COA8: variants seen among roughly 807,000 people sequenced by gnomAD.
COA8 encodes the protein cytochrome c oxidase assembly factor 8.
Under a neutral mutation model 22.0 loss-of-function variants are expected in COA8, and 20 were observed. The ratio of observed to expected loss-of-function variants is 0.91; its 90% CI spans 0.64 to 1.32. COA8 has a LOEUF of 1.32. COA8 is among the 40% of genes most tolerant of loss of function. COA8 has a pLI of 0.00. For missense variants in COA8, 266 were observed against 230.0 expected, an observed-to-expected ratio of 1.16 and a Z score of -1.01; for synonymous variants, 105 against 79.9, an observed-to-expected ratio of 1.31 and a Z score of -1.68.
intron 3 of COA8, chr14:103,574,429 C>T (rs776168945): frequency 6.4e-6 from 4 of 625,020 alleles, no homozygotes; most frequent in Admixed American, 2.1e-5. Flanking sequence ...CTTTGACTTT[C>T]GTACTGAGGT....
At position 103,571,694 on chromosome 14, in the gene COA8, T is replaced by C. The variant is rs370356589; in HGVS notation, c.195T>C (p.Leu65=). 5 of 1,614,216 alleles carry C rather than the reference T, an allele frequency of 3.1e-6. No homozygotes were observed. The African/African-American group carries it at 6.7e-5, about 22-fold the overall frequency. Residue 65 remains leucine, a synonymous_variant, in exon 2 of 5, where the codon CTT becomes CTC. Transcript: ENST00000409074. The stretch of plus-strand genomic sequence containing the variant: ...GACCCCCAGATAAATATTCAAACCT[T>C]CGACCTGTTCACTTTTACATACCTG... ...WIGPPDKYSN[L]RPVHFYIPEN... is the part of the protein sequence containing the mutation.
At chr14:103,567,419 G>A (rs1447599682) in intron 1 of COA8, 3 of 151,530 alleles carry the variant, frequency 2.0e-5, no homozygotes, top group Non-Finnish European at 4.4e-5. Flanking sequence ...TTGCACAGCG[G>A]CAGTATTGTA....
intron 4 of COA8, among the ~76,000 whole-genome samples, chr14:103,589,615 A>G (rs2076335240): frequency 6.6e-6 from 1 of 151,856 alleles, no homozygotes; most frequent in Non-Finnish European, 1.5e-5. Context: ...AAACAAAACA[A>G]AAAAAACTCC....
chr14:103,571,695 C>T lies in COA8; in HGVS notation c.196C>T (p.Arg66Ter), dbSNP rs587777784. The stretch of plus-strand genomic sequence containing the variant: ...ACCCCCAGATAAATATTCAAACCTT[C>T]GACCTGTTCACTTTTACATACCTGA... Reference protein sequence around the residue: ...IGPPDKYSNLRPVHFYIPENE... With the variant: ...IGPPDKYSNL Residue 66 changes from arginine to a stop codon, truncating the protein, a stop_gained, in exon 2 of 5, where the codon CGA becomes TGA. Coordinates refer to ENST00000409074, the MANE Select transcript of COA8 (RefSeq NM_001370595.2). LOFTEE classifies it high-confidence loss of function. 41 of 1,614,026 alleles carry T rather than the reference C, an allele frequency of 2.5e-5. No homozygotes were observed. The highest frequency in any genetic ancestry group is 3.3e-5 in the Non-Finnish European group (39 of 1,180,016).
At chr14:103,564,829 C>T (rs142891104) in intron 1 of COA8, among the ~76,000 whole-genome samples, 1 of 152,232 alleles carries the variant, frequency 6.6e-6, no homozygotes, top group East Asian at 1.9e-4. Flanking sequence ...GATGCGCCTG[C>T]CTGGGCCTCC....
intron 3 of COA8, among the ~76,000 whole-genome samples, chr14:103,583,580 T>G (rs762971545): frequency 1.4e-5 from 2 of 146,250 alleles, no homozygotes; most frequent in Non-Finnish European, 3.0e-5. Flanking sequence ...TCTTTTTTCC[T>G]CCTGAGACCA....
intron 1 of COA8, among the ~76,000 whole-genome samples, chr14:103,569,080 G>A (rs1028715687): frequency 1.3e-4 from 20 of 152,120 alleles, no homozygotes; most frequent in Non-Finnish European, 2.5e-4. Flanking sequence ...AGGGTCTAGC[G>A]TGCCCTCCCC....
chr14:103,584,915 G>A lies in COA8; in HGVS notation c.386-2359G>A, dbSNP rs190300801. ...AGCACTCTGGGAGGCCAAGGCGGGC[G>A]GATCATGAAGTCAGGAGTTCAAGAC... On this transcript the variant is annotated intron_variant, in intron 3 of 4. Coordinates refer to ENST00000409074, the MANE Select transcript of COA8 (RefSeq NM_001370595.2). Among the ~76,000 whole-genome samples, 82 of 152,204 alleles carry A rather than the reference G, an allele frequency of 5.4e-4. No individual in the cohort carries two copies. The East Asian group carries it at 7.9e-3, about 15-fold the overall frequency.
At position 103,568,488 on chromosome 14, in the gene COA8, C is replaced by CAT. The variant is rs994413331; in HGVS notation, c.124-3127_124-3126dup. Among the ~76,000 whole-genome samples, 430 of 151,808 alleles carry CAT rather than the reference C, an allele frequency of 2.8e-3. 10 individuals are homozygous for CAT. Among genetic ancestry groups the CAT allele is most frequent in the Admixed American group, 0.025 (384 of 15,172 alleles). On this transcript the variant is annotated intron_variant, in intron 1 of 4. Transcript: ENST00000409074. ...ACATACACACACACATATATACACA[C>CAT]ATATATATACACACATGTATACATA...
intron 1 of COA8, among the ~76,000 whole-genome samples, chr14:103,568,579 G>GTA (rs35129882): frequency 1.9e-3 from 279 of 146,250 alleles, no homozygotes; most frequent in African/African-American, 5.0e-3. Context: ...ACGTGTGTGT[G>GTA]TATATATATA....
At chr14:103,574,917 G>A (rs999608807) in intron 3 of COA8, among the ~76,000 whole-genome samples, 5 of 152,210 alleles carry the variant, frequency 3.3e-5, no homozygotes, top group African/African-American at 4.8e-5. Context: ...TATATCACCT[G>A]TTGCATTTCC....
In COA8 at chr14:103,576,898, G is replaced by A. The variant is rs116161400; in HGVS notation, c.385+2728G>A. ...CAAAGGATCAGAGGGCTGGGTAGGCGCAGGGATCAGTGTCCCGGAAATGTG... is the reference window on the plus strand; with the variant it reads ...CAAAGGATCAGAGGGCTGGGTAGGCACAGGGATCAGTGTCCCGGAAATGTG... On this transcript the variant is annotated intron_variant, in intron 3 of 4. Transcript: ENST00000409074. Among the ~76,000 whole-genome samples the A allele has an allele frequency of 6.6e-3, 998 of 152,306 alleles. 18 individuals are homozygous for A. Among genetic ancestry groups the A allele is most frequent in the African/African-American group, 0.023 (951 of 41,580 alleles).
chr14:103,563,274 G>C (rs2076105461), intron 1 of COA8, 150 bp downstream of exon 1: 1 of 1,083,612 alleles, frequency 9.2e-7, no homozygotes, highest in Admixed American at 2.0e-5. Context: ...CCGCAGCCCC[G>C]AGGCTCCCGC....
At chr14:103,563,261 G>C in intron 1 of COA8, 137 bp downstream of exon 1, 1 of 1,208,110 alleles carries the variant, frequency 8.3e-7, no homozygotes, top group South Asian at 1.3e-5. Context: ...ATCCCGAACA[G>C]TCCCGCAGCC....
At chr14:103,569,356 CAAT>C (rs1311170297) in intron 1 of COA8, among the ~76,000 whole-genome samples, 3 of 152,154 alleles carry the variant, frequency 2.0e-5, no homozygotes, top group Non-Finnish European at 4.4e-5. Flanking sequence ...TAATGGCAAA[CAAT>C]GATTTGAAAA....
intron 4 of COA8, among the ~76,000 whole-genome samples, 197 bp from the exon 5 acceptor site, chr14:103,589,984 G>A (rs2076338513): frequency 6.6e-6 from 1 of 151,944 alleles, no homozygotes; most frequent in Admixed American, 6.6e-5. Flanking sequence ...TCCAGGCGTC[G>A]CCAGTGGGCC....
At chr14:103,578,723 G>C (rs936046172) in intron 3 of COA8, among the ~76,000 whole-genome samples, 1 of 152,152 alleles carries the variant, frequency 6.6e-6, no homozygotes, top group Non-Finnish European at 1.5e-5. Flanking sequence ...GCTGCTTGTT[G>C]AGCCTTGGCC....
At chr14:103,574,076 GCC>G in intron 2 of COA8, 29 bp from the exon 3 acceptor site, 1 of 980,452 alleles carries the variant, frequency 1.0e-6, no homozygotes, top group South Asian at 1.5e-5. Context: ...AGTTCTGAGA[GCC>G]TTTTTTTTTT....
intron 3 of COA8, 113 bp downstream of exon 3, chr14:103,574,283 C>T (rs546395018): frequency 6.9e-7 from 1 of 1,450,062 alleles, no homozygotes; most frequent in African/African-American, 1.4e-5. Flanking sequence ...GGTCCTTGGC[C>T]TGCTTTGGGG....
Sources: allele counts gnomAD v4.1 joint callset (sites outside exome capture counted in the v4.1 genomes callset), GRCh38; gene constraint gnomAD v4.1.1; transcripts MANE v1.5; gene names NCBI Gene and HGNC (gene_info 2026-07-23, HGNC 2026-07-21).